HSD17B12: variants seen among roughly 807,000 people sequenced by gnomAD.
The protein encoded by HSD17B12 is very-long-chain 3-oxoacyl-CoA reductase.
Under a neutral mutation model 39.3 loss-of-function variants are expected in HSD17B12, and 32 were observed. The observed-to-expected ratio is 0.81, with a 90% CI of 0.61 to 1.09. The LOEUF is 1.09. HSD17B12 is among the 50% of genes least tolerant of loss of function. The probability of loss-of-function intolerance (pLI) is 0.00; values close to 1 mark genes in which losing one functional copy is unlikely to be tolerated. For synonymous variants in HSD17B12, 150 were observed against 146.7 expected (o/e 1.02, Z -0.16); for missense variants, 342 against 382.9 (o/e 0.89, Z 0.89).
chr11:43,572,654 C>A, the HSD17B12 span, among the ~76,000 whole-genome samples: 1 of 152,106 alleles, frequency 6.6e-6, no homozygotes, highest in South Asian at 2.1e-4. Context: ...GCTCAACAAG[C>A]CTAAGGGGTA....
chr11:43,582,650 G>T, the HSD17B12 span, among the ~76,000 whole-genome samples: 13 of 152,130 alleles, frequency 8.5e-5, no homozygotes, highest in Non-Finnish European at 1.9e-4. Context: ...CACAACCACC[G>T]TTCTTCCAAC....
chr11:43,719,586 A>C (rs1054621764), intron 1 of HSD17B12, among the ~76,000 whole-genome samples: 4 of 149,018 alleles, frequency 2.7e-5, no homozygotes, highest in Non-Finnish European at 5.9e-5. Context: ...TGTTTCCCTC[A>C]CTCCTTGTGC....
chr11:43,589,870 C>T, the HSD17B12 span, among the ~76,000 whole-genome samples: 6 of 152,300 alleles, frequency 3.9e-5, no homozygotes, highest in South Asian at 4.1e-4. Context: ...ATCAGCTGCA[C>T]GCCCTTCAGC....
intron 1 of HSD17B12, among the ~76,000 whole-genome samples, chr11:43,716,803 T>G (rs554998364): frequency 6.7e-6 from 1 of 150,290 alleles, no homozygotes; most frequent in African/African-American, 2.4e-5. Context: ...AGGAGAAACA[T>G]CTGGCATGGT....
intron 3 of HSD17B12, among the ~76,000 whole-genome samples, chr11:43,757,639 CAAAAAAAAAA>C (rs60598991): frequency 6.4e-3 from 46 of 7,206 alleles, no homozygotes; most frequent in Middle Eastern, 0.25. Context: ...GACTCCGTCT[CAAAAAAAAAA>C]AAAAAAAAAA....
At chr11:43,660,831 AAGG>A in the HSD17B12 span, among the ~76,000 whole-genome samples, 20 of 152,222 alleles carry the variant, frequency 1.3e-4, no homozygotes, top group African/African-American at 4.8e-4. Flanking sequence ...CAGCAATAAA[AAGG>A]AACAGACTGG....
At chr11:43,647,582 CT>C in the HSD17B12 span, among the ~76,000 whole-genome samples, 1 of 151,482 alleles carries the variant, frequency 6.6e-6, no homozygotes, top group African/African-American at 2.4e-5. Context: ...CTAAGCAGTT[CT>C]TATTAATGCA....
intron 3 of HSD17B12, among the ~76,000 whole-genome samples, chr11:43,791,093 C>A (rs1950863918): frequency 2.0e-5 from 3 of 152,294 alleles, no homozygotes; most frequent in East Asian, 1.9e-4. Flanking sequence ...AGTTCAAAGG[C>A]TTGAGTGAAG....
the HSD17B12 span, among the ~76,000 whole-genome samples, chr11:43,622,807 C>T: frequency 7.2e-5 from 11 of 151,984 alleles, no homozygotes; most frequent in African/African-American, 1.4e-4. Context: ...AATTAATCCC[C>T]TTAGGAATTT....
At chr11:43,659,237 C>T in the HSD17B12 span, among the ~76,000 whole-genome samples, 36 of 152,338 alleles carry the variant, frequency 2.4e-4, no homozygotes, top group Admixed American at 9.8e-4. Context: ...TTAAGCCCAT[C>T]GGAAGAGCGC....
intron 6 of HSD17B12, chr11:43,829,588 T>G (rs1231432775): frequency 6.6e-6 from 1 of 152,182 alleles, no homozygotes; most frequent in Non-Finnish European, 1.5e-5. Flanking sequence ...GAAGAGGGAC[T>G]GTTTAAGAGA....
chr11:43,658,766 A>G, the HSD17B12 span, among the ~76,000 whole-genome samples: 4 of 152,238 alleles, frequency 2.6e-5, no homozygotes, highest in Admixed American at 2.0e-4. Context: ...TTTGTCTCAG[A>G]CGAGTACCCG....
the HSD17B12 span, among the ~76,000 whole-genome samples, chr11:43,607,906 A>G: frequency 3.9e-5 from 6 of 152,188 alleles, no homozygotes; most frequent in African/African-American, 1.4e-4. Flanking sequence ...GAACTCAGAC[A>G]GCACCCTGAT....
At chr11:43,650,901 T>TAC in the HSD17B12 span, among the ~76,000 whole-genome samples, 1 of 152,240 alleles carries the variant, frequency 6.6e-6, no homozygotes, top group Non-Finnish European at 1.5e-5. Flanking sequence ...GATGAAATCT[T>TAC]ACACTTGTCC....
At chr11:43,715,917 TG>T (rs1950118511) in intron 1 of HSD17B12, among the ~76,000 whole-genome samples, 1 of 152,202 alleles carries the variant, frequency 6.6e-6, no homozygotes, top group Non-Finnish European at 1.5e-5. Flanking sequence ...TAGGTGTATC[TG>T]GGATTGAATT....
At chr11:43,671,394 T>C in the HSD17B12 span, among the ~76,000 whole-genome samples, 1 of 152,258 alleles carries the variant, frequency 6.6e-6, no homozygotes, top group Non-Finnish European at 1.5e-5. Context: ...TTGGCCAGAC[T>C]GGTCTCAAAC....
chr11:43,792,519 A>G (rs1006551665), intron 3 of HSD17B12, among the ~76,000 whole-genome samples: 1 of 152,016 alleles, frequency 6.6e-6, no homozygotes, highest in African/African-American at 2.4e-5. Flanking sequence ...AATATCCTCA[A>G]CCTTCATATA....
In HSD17B12 at chr11:43,854,811, A is replaced by C. The variant is rs1319151417; in HGVS notation, c.781A>C (p.Lys261Gln). ...GGAGACGTTTGTGAAGTCTGCAATT[A>C]AAACAGTCGGCCTGCAATCCCGAAC... ...SPETFVKSAI[K>Q]TVGLQSRTNG... The change falls in exon 10 of 11, where the codon AAA becomes CAA. Residue 261 changes from lysine (K) to glutamine (Q), a missense_variant. Lys to Gln is a moderately conservative substitution (Grantham distance 53). Transcript: ENST00000278353. The C allele has an allele frequency of 1.9e-6, 3 of 1,614,106 alleles. No individual in the cohort carries two copies. The highest frequency in any genetic ancestry group is 2.5e-6 in the Non-Finnish European group (3 of 1,180,036).
chr11:43,575,403 C>G, the HSD17B12 span, among the ~76,000 whole-genome samples: 1 of 152,256 alleles, frequency 6.6e-6, no homozygotes, highest in Non-Finnish European at 1.5e-5. This position sits in a 1 kb window ranked among gnomAD's most constrained non-coding sequence, Gnocchi z 4.1. Context: ...GAGTTACAGC[C>G]ATAGCTGTCT....
Sources: gnomAD v4.1 joint callset for allele counts (sites outside exome capture counted in the v4.1 genomes callset) on GRCh38, gnomAD v4.1.1 for gene constraint, Gnocchi (gnomAD v3.1) non-coding constraint, MANE v1.5 for transcripts, NCBI Gene and HGNC (gene_info 2026-07-23, HGNC 2026-07-21) for gene names.